The following TACR1 variants were observed in gnomAD, a reference collection of about 807,000 sequenced individuals.
TACR1 encodes the protein substance-P receptor.
Under a neutral mutation model 35.8 loss-of-function variants are expected in TACR1, and 25 were observed. The ratio of observed to expected loss-of-function variants is 0.70; its 90% CI spans 0.51 to 0.98. The LOEUF (loss-of-function observed/expected upper bound fraction) is 0.98, where lower values mean the gene tolerates loss of function less well. TACR1 is among the 50% of genes least tolerant of loss of function. The pLI, the probability that TACR1 is intolerant of heterozygous loss-of-function variation, is 0.00. For synonymous variants in TACR1, 195 were observed against 206.7 expected (o/e 0.94, Z 0.48); for missense variants, 478 against 522.9 (o/e 0.91, Z 0.84).
chr2:75,161,300 T>A (rs781577416), intron 1 of TACR1, among the ~76,000 whole-genome samples: 2 of 152,108 alleles, frequency 1.3e-5, no homozygotes, highest in Non-Finnish European at 2.9e-5. Context: ...TTAATAATAG[T>A]TATAATATCA....
intron 1 of TACR1, chr2:75,187,202 G>T (rs1217333780): frequency 2.0e-5 from 3 of 152,258 alleles, no homozygotes; most frequent in African/African-American, 7.2e-5. Flanking sequence ...AGGTTGTAAA[G>T]ATATTACATA....
At chr2:75,054,880 C>T (rs536497098) in intron 2 of TACR1, among the ~76,000 whole-genome samples, 2 of 152,082 alleles carry the variant, frequency 1.3e-5, no homozygotes, top group Non-Finnish European at 1.5e-5. Context: ...TGATGAAAAG[C>T]ACAAAGCCAA....
At chr2:75,147,546 G>A (rs1304409455) in intron 1 of TACR1, among the ~76,000 whole-genome samples, 3 of 152,038 alleles carry the variant, frequency 2.0e-5, no homozygotes, top group Non-Finnish European at 2.9e-5. Context: ...TCAGCTATTC[G>A]TTTTAATGCT....
chr2:75,146,081 G>A (rs1674504970), intron 1 of TACR1, among the ~76,000 whole-genome samples: 1 of 152,112 alleles, frequency 6.6e-6, no homozygotes, highest in South Asian at 2.1e-4. Context: ...ATAAGACATA[G>A]GAGGAAGGCA....
At chr2:75,182,883 T>C (rs1218570506) in intron 1 of TACR1, among the ~76,000 whole-genome samples, 2 of 152,234 alleles carry the variant, frequency 1.3e-5, no homozygotes, top group Admixed American at 1.3e-4. Context: ...TTCTGTACTC[T>C]CATAGCATTA....
chr2:75,150,485 G>T (rs1674646745), intron 1 of TACR1, among the ~76,000 whole-genome samples: 1 of 152,048 alleles, frequency 6.6e-6, no homozygotes, highest in Non-Finnish European at 1.5e-5. Flanking sequence ...AGTTTATCAG[G>T]GGTTTCTGCT....
chr2:75,185,872 A>G (rs767704436), intron 1 of TACR1, among the ~76,000 whole-genome samples: 3 of 152,210 alleles, frequency 2.0e-5, no homozygotes, highest in Non-Finnish European at 2.9e-5. Flanking sequence ...GCTAAAACAC[A>G]TTGATGACAA....
Position 75,094,838 on chromosome 2 carries a change from CAT to C in TACR1, c.584+25734_584+25735del, listed in dbSNP as rs770472061. Among the ~76,000 whole-genome samples, 104 of 119,846 alleles carry C rather than the reference CAT, an allele frequency of 8.7e-4. 1 individual carries two copies. Among genetic ancestry groups the C allele is most frequent in the South Asian group, 2.9e-3 (11 of 3,746 alleles). The allele number at this position is 119,846 out of a possible 152,430, so 78.6% of individuals were successfully genotyped here. Reference sequence around the variant, plus strand: ...AAATTGCAAGCTGAGGAAGCAGAAACATATATATATATATATATATATTTTTT... The same window carrying C: ...AAATTGCAAGCTGAGGAAGCAGAAACATATATATATATATATATATTTTTT... On this transcript the variant is annotated intron_variant, in intron 2 of 4. Transcript: ENST00000305249.
intron 1 of TACR1, among the ~76,000 whole-genome samples, chr2:75,162,677 GA>G (rs1675039901): frequency 6.6e-6 from 1 of 152,172 alleles, no homozygotes; most frequent in Admixed American, 6.5e-5. Context: ...TCAATATGAT[GA>G]TATTTTTAGC....
At chr2:75,141,777 G>A (rs1674413422) in intron 1 of TACR1, among the ~76,000 whole-genome samples, 1 of 152,130 alleles carries the variant, frequency 6.6e-6, no homozygotes, top group Non-Finnish European at 1.5e-5. Flanking sequence ...GAGGATTCTT[G>A]GATATTCCAA....
At chr2:75,086,972 A>G (rs570369557) in intron 2 of TACR1, among the ~76,000 whole-genome samples, 2 of 152,296 alleles carry the variant, frequency 1.3e-5, no homozygotes, top group East Asian at 3.9e-4. Context: ...ATCTTGCCCA[A>G]TATGGTAGCC....
chr2:75,089,009 C>G (rs1673244975), intron 2 of TACR1, among the ~76,000 whole-genome samples: 1 of 152,166 alleles, frequency 6.6e-6, no homozygotes, highest in Non-Finnish European at 1.5e-5. Context: ...CATGTAGGCA[C>G]TTTTCCATCT....
At chr2:75,059,646 C>T (rs570432165) in intron 2 of TACR1, among the ~76,000 whole-genome samples, 50 of 152,204 alleles carry the variant, frequency 3.3e-4, no homozygotes, top group Non-Finnish European at 6.3e-4. Flanking sequence ...CCTGTGGTCA[C>T]GTAGCTTTCA....
chr2:75,091,800 T>C (rs765175859), intron 2 of TACR1, among the ~76,000 whole-genome samples: 8 of 152,188 alleles, frequency 5.3e-5, no homozygotes, highest in African/African-American at 1.9e-4. Flanking sequence ...TTATCTGCTG[T>C]ATGGGCAGTG....
Position 75,124,247 on chromosome 2 carries a change from C to T in TACR1, c.390-3479G>A, listed in dbSNP as rs138485564. On this transcript the variant is annotated intron_variant, in intron 1 of 4. Coordinates refer to ENST00000305249, the MANE Select transcript of TACR1 (RefSeq NM_001058.4). ...TTTATAAAAAGAACTCTCTGCTGCA[C>T]ATTTGTTTTTTCTTGTAGGCAGAGT... Among the ~76,000 whole-genome samples, 571 of 152,320 alleles carry T rather than the reference C, an allele frequency of 3.7e-3. 3 individuals carry two copies. Among genetic ancestry groups the T allele is most frequent in the African/African-American group, 0.013 (546 of 41,578 alleles).
Position 75,048,332 on chromosome 2 carries a change from A to C in TACR1, c.*1100T>G, listed in dbSNP as rs903229730. 6.6e-6 allele frequency: 1 copy of C among 152,246 alleles called. No individual in the cohort carries two copies. Among genetic ancestry groups the C allele is most frequent in the Non-Finnish European group, 1.5e-5 (1 of 68,050 alleles). 9.4% of individuals were successfully genotyped at this position (152,246 alleles called of 1,614,324 possible). ...GGAGCCCACATTTGTCTTCTCTGAC[A>C]GTGTTCTGCAGCTATGAAATTCTGC... On this transcript the variant is annotated 3_prime_UTR_variant, in exon 5 of 5. Coordinates refer to ENST00000305249, the MANE Select transcript of TACR1 (RefSeq NM_001058.4).
chr2:75,051,384 A>T lies in TACR1; in HGVS notation c.799T>A (p.Phe267Ile). 6.2e-7 allele frequency: 1 copy of T among 1,614,192 alleles called. No homozygotes were observed. The highest frequency in any genetic ancestry group is 8.5e-7 in the Non-Finnish European group (1 of 1,180,026). ...GGGTTGATGTAGGGCAGGAGGAAGA[A>T]GATGTGGAAGGGCAGCCAGCAGATG... is the stretch of plus-strand genomic sequence containing the variant. ...FAICWLPFHI[F>I]FLLPYINPDL... The change falls in exon 4 of 5, where the codon TTC becomes ATC. Residue 267 changes from phenylalanine (F) to isoleucine (I), a missense_variant. Coordinates refer to ENST00000305249, the MANE Select transcript of TACR1 (RefSeq NM_001058.4).
intron 1 of TACR1, 72 bp from the exon 2 acceptor site, chr2:75,120,840 C>T (rs1401106476): frequency 1.3e-5 from 16 of 1,269,398 alleles, no homozygotes; most frequent in Non-Finnish European, 1.5e-5. Context: ...CATATTTTTC[C>T]TGCCAATAAG....
intron 1 of TACR1, among the ~76,000 whole-genome samples, chr2:75,172,244 C>G (rs1168437260): frequency 6.6e-6 from 1 of 152,160 alleles, no homozygotes; most frequent in Non-Finnish European, 1.5e-5. Context: ...CATTTGATAA[C>G]TGGCAGAATC....
Sources: allele counts gnomAD v4.1 joint callset (sites outside exome capture counted in the v4.1 genomes callset), GRCh38; gene constraint gnomAD v4.1.1; transcripts MANE v1.5; gene names NCBI Gene and HGNC (gene_info 2026-07-23, HGNC 2026-07-21).